The following CNTN5 variants were observed in gnomAD, a reference collection of about 807,000 sequenced individuals.
CNTN5 encodes the protein contactin-5.
Under a neutral mutation model 129.1 loss-of-function variants are expected in CNTN5, and 77 were observed. That is an observed-to-expected ratio of 0.60 (90% confidence interval 0.50 to 0.72). The LOEUF is 0.72. CNTN5 is among the 30% of genes least tolerant of loss of function. The pLI is 0.00. For synonymous variants in CNTN5, 509 were observed against 465.6 expected (o/e 1.09, Z -1.20); for missense variants, 1,478 against 1,328.8 (o/e 1.11, Z -1.75).
intron 17 of CNTN5, among the ~76,000 whole-genome samples, chr11:100,257,671 A>G (rs1490520790): frequency 6.6e-6 from 1 of 152,136 alleles, no homozygotes; most frequent in Non-Finnish European, 1.5e-5. Flanking sequence ...CCTCCAGCAA[A>G]CTCCAGCAGA....
intron 2 of CNTN5, among the ~76,000 whole-genome samples, chr11:99,373,695 G>A (rs537558222): frequency 3.8e-5 from 4 of 105,052 alleles, no homozygotes; most frequent in Non-Finnish European, 3.6e-5. Context: ...CCTGGGAAAC[G>A]AGGAAAACTC....
At chr11:99,364,147 A>C (rs1019399499) in intron 2 of CNTN5, among the ~76,000 whole-genome samples, 1 of 152,028 alleles carries the variant, frequency 6.6e-6, no homozygotes, top group Non-Finnish European at 1.5e-5. Flanking sequence ...AAAGAGAAAA[A>C]GGTTTTTTAT....
intron 12 of CNTN5, among the ~76,000 whole-genome samples, chr11:100,073,935 T>C (rs17696463): frequency 0.11 from 16,759 of 152,158 alleles, 1,000 homozygotes; most frequent in East Asian, 0.19. Flanking sequence ...GTAGATCCCA[T>C]ATTGTATGAA....
chr11:99,827,207 C>A (rs1328187954), intron 4 of CNTN5, among the ~76,000 whole-genome samples: 2 of 152,138 alleles, frequency 1.3e-5, no homozygotes, highest in African/African-American at 4.8e-5. Flanking sequence ...CTAACGTCAG[C>A]CTCTCTGGTA....
At chr11:99,376,576 T>C (rs1436394858) in intron 2 of CNTN5, among the ~76,000 whole-genome samples, 7 of 152,186 alleles carry the variant, frequency 4.6e-5, no homozygotes, top group Non-Finnish European at 8.8e-5. Context: ...CTAGTCAAGG[T>C]ATCCTTGACC....
At chr11:99,548,515 T>C (rs1203303510) in intron 2 of CNTN5, among the ~76,000 whole-genome samples, 1 of 152,206 alleles carries the variant, frequency 6.6e-6, no homozygotes, top group Non-Finnish European at 1.5e-5. Flanking sequence ...ATGTTTGTGA[T>C]TGGCTGAGAC....
chr11:99,637,205 A>G (rs1951595590), intron 3 of CNTN5, among the ~76,000 whole-genome samples: 1 of 151,356 alleles, frequency 6.6e-6, no homozygotes, highest in African/African-American at 2.4e-5. Context: ...ATAGTAGCAA[A>G]ATTTTAGAAA....
chr11:99,530,364 A>G (rs1947650122), intron 2 of CNTN5, among the ~76,000 whole-genome samples: 2 of 152,346 alleles, frequency 1.3e-5, no homozygotes, highest in Admixed American at 1.3e-4. Context: ...ATGAAACCAC[A>G]AAGGAAATAG....
chr11:99,740,441 G>A (rs1943852128), intron 3 of CNTN5, among the ~76,000 whole-genome samples: 1 of 152,156 alleles, frequency 6.6e-6, no homozygotes, highest in Non-Finnish European at 1.5e-5. Flanking sequence ...CTATAAATAA[G>A]ATTTATGTTT....
At chr11:99,352,797 G>A (rs1040536786) in intron 2 of CNTN5, among the ~76,000 whole-genome samples, 2 of 152,134 alleles carry the variant, frequency 1.3e-5, no homozygotes, top group African/African-American at 4.8e-5. Context: ...GAAGGCTCTG[G>A]CCTACGTGCT....
chr11:100,304,230 G>A (rs1951294161), intron 20 of CNTN5, among the ~76,000 whole-genome samples: 1 of 151,484 alleles, frequency 6.6e-6, no homozygotes. Flanking sequence ...AGTTAGCCAT[G>A]GCCTAATTAA....
chr11:99,546,521 C>A (rs1029602893), intron 2 of CNTN5, among the ~76,000 whole-genome samples: 2 of 152,124 alleles, frequency 1.3e-5, no homozygotes, highest in Non-Finnish European at 2.9e-5. Context: ...GGACACCCTG[C>A]AGGCTATAAC....
At chr11:99,980,741 C>A (rs530161449) in intron 8 of CNTN5, among the ~76,000 whole-genome samples, 2 of 152,060 alleles carry the variant, frequency 1.3e-5, no homozygotes, top group Non-Finnish European at 2.9e-5. Flanking sequence ...ATAATATGTT[C>A]AGCCTAAAAG....
chr11:99,527,514 C>T (rs1007989004), intron 2 of CNTN5, among the ~76,000 whole-genome samples: 6 of 152,042 alleles, frequency 3.9e-5, no homozygotes, highest in African/African-American at 1.4e-4. Context: ...AGAAAAGCTA[C>T]ATACCAAGAC....
intron 10 of CNTN5, among the ~76,000 whole-genome samples, chr11:100,061,669 T>A (rs143441922): frequency 6.4e-4 from 98 of 152,324 alleles, no homozygotes; most frequent in African/African-American, 2.2e-3. Context: ...CACTATACTC[T>A]GACAAGTTAA....
chr11:99,841,516 T>C (rs1051408034), intron 4 of CNTN5, among the ~76,000 whole-genome samples: 1 of 151,666 alleles, frequency 6.6e-6, no homozygotes, highest in Admixed American at 6.6e-5. Context: ...AATTAGATAA[T>C]ATATATACAT....
At chr11:99,593,272 G>A (rs570916157) in intron 3 of CNTN5, among the ~76,000 whole-genome samples, 1 of 152,244 alleles carries the variant, frequency 6.6e-6, no homozygotes, top group African/African-American at 2.4e-5. Flanking sequence ...TTGCTAGAAT[G>A]CCTGAAGGAT....
chr11:99,576,195 T>G (rs1462555754), intron 3 of CNTN5, among the ~76,000 whole-genome samples: 2 of 152,132 alleles, frequency 1.3e-5, no homozygotes, highest in East Asian at 3.9e-4. Context: ...GAATGAGAGA[T>G]TGAATTTTTT....
chr11:99,970,771 G>A (rs753064072), intron 8 of CNTN5, among the ~76,000 whole-genome samples: 3 of 152,116 alleles, frequency 2.0e-5, no homozygotes, highest in African/African-American at 4.8e-5. Context: ...TTGTAAAAAC[G>A]TAAACTCCCC....
Sources: allele counts gnomAD v4.1 joint callset (sites outside exome capture counted in the v4.1 genomes callset), GRCh38; gene constraint gnomAD v4.1.1; transcripts MANE v1.5; gene names NCBI Gene and HGNC (gene_info 2026-07-23, HGNC 2026-07-21).